SLC25A21: variants seen among roughly 807,000 people sequenced by gnomAD.
SLC25A21 encodes mitochondrial 2-oxodicarboxylate carrier.
Under a neutral mutation model 43.8 loss-of-function variants are expected in SLC25A21, and 47 were observed. The ratio of observed to expected loss-of-function variants is 1.07; its 90% CI spans 0.85 to 1.37. The LOEUF is 1.37. Ranked by LOEUF, SLC25A21 falls within the 40% of genes most tolerant of loss-of-function variation. The pLI is 0.00. For synonymous variants in SLC25A21, 131 were observed against 121.3 expected (o/e 1.08, Z -0.52); for missense variants, 352 against 350.2 (o/e 1.00, Z -0.04).
intron 4 of SLC25A21, among the ~76,000 whole-genome samples, chr14:36,730,906 C>T (rs1258642122): frequency 1.3e-5 from 2 of 151,920 alleles, no homozygotes; most frequent in Non-Finnish European, 2.9e-5. Context: ...GGGACCACCA[C>T]TTTTCTGATG....
chr14:37,015,567 T>A lies in SLC25A21; in HGVS notation c.71-140563A>T, dbSNP rs540400668. Among the ~76,000 whole-genome samples, 357 of 151,872 alleles carry A rather than the reference T, an allele frequency of 2.4e-3. 2 individuals carry two copies. The highest frequency in any genetic ancestry group is 6.5e-4 in the Non-Finnish European group (44 of 67,954). ...TTTGGGTATATACCCAGTAATGGGATGGCTGGGTCAAATGGTATTTCTAGT... is the reference window on the plus strand; with the variant it reads ...TTTGGGTATATACCCAGTAATGGGAAGGCTGGGTCAAATGGTATTTCTAGT... On this transcript the variant is annotated intron_variant, in intron 1 of 9. Coordinates refer to ENST00000331299, the MANE Select transcript of SLC25A21 (RefSeq NM_030631.4).
chr14:36,932,454 GTTCT>G (rs937594355), intron 1 of SLC25A21, among the ~76,000 whole-genome samples: 39 of 151,928 alleles, frequency 2.6e-4, no homozygotes, highest in African/African-American at 8.9e-4. Flanking sequence ...ATGTTTTTCT[GTTCT>G]TTATCATGTT....
At chr14:36,753,391 T>C (rs895916434) in intron 3 of SLC25A21, among the ~76,000 whole-genome samples, 2 of 151,890 alleles carry the variant, frequency 1.3e-5, no homozygotes, top group African/African-American at 2.4e-5. Context: ...CTAGGAAGCC[T>C]TGTGTTTAGA....
chr14:37,074,061 C>A (rs1028670439), intron 1 of SLC25A21, among the ~76,000 whole-genome samples: 6 of 152,246 alleles, frequency 3.9e-5, no homozygotes, highest in Admixed American at 2.0e-4. Flanking sequence ...ATGTTCGTCT[C>A]TGTTCAAATG....
chr14:36,781,975 C>T (rs1887079643), intron 3 of SLC25A21, among the ~76,000 whole-genome samples: 1 of 152,102 alleles, frequency 6.6e-6, no homozygotes, highest in South Asian at 2.1e-4. Context: ...CTTCATTTCT[C>T]CTTCGTTTCT....
At chr14:36,779,609 CATATATATATATATATAT>C (rs35392668) in intron 3 of SLC25A21, among the ~76,000 whole-genome samples, 4 of 122,484 alleles carry the variant, frequency 3.3e-5, no homozygotes, top group East Asian at 2.2e-4. Context: ...TATGTGTATA[CATATATATATATATATAT>C]ATATATATAT....
intron 1 of SLC25A21, among the ~76,000 whole-genome samples, chr14:37,064,364 T>C (rs923859152): frequency 1.3e-5 from 2 of 152,126 alleles, no homozygotes; most frequent in African/African-American, 4.8e-5. Flanking sequence ...TAGCCTATCG[T>C]GGGACTTCTC....
rs1192806350 is a variant in SLC25A21, at chr14:36,698,411, G to A, written c.603+12907C>T. ...GTGTCTTGGGGTTGCTCTTCTTGAG[G>A]AGTATTTTTGTGGTGTTCTCTGTAT... is the stretch of plus-strand genomic sequence containing the variant. On this transcript the variant is annotated intron_variant, in intron 7 of 9. Transcript: ENST00000331299. Among the ~76,000 whole-genome samples the A allele has an allele frequency of 2.0e-5, 3 of 152,126 alleles. No homozygotes were observed. In the East Asian group the frequency reaches 5.8e-4, roughly 29 times the overall value.
At chr14:36,736,112 T>A (rs1885029621) in intron 3 of SLC25A21, among the ~76,000 whole-genome samples, 1 of 151,790 alleles carries the variant, frequency 6.6e-6, no homozygotes, top group Admixed American at 6.6e-5. Context: ...ATTTTTTATA[T>A]TTTTAGTAGA....
intron 1 of SLC25A21, among the ~76,000 whole-genome samples, chr14:37,108,170 T>G (rs2138873468): frequency 6.6e-6 from 1 of 152,312 alleles, no homozygotes; most frequent in African/African-American, 2.4e-5. Flanking sequence ...AAATGTACGG[T>G]GCAGTATTTT....
intron 1 of SLC25A21, among the ~76,000 whole-genome samples, chr14:37,077,096 T>C (rs1254798418): frequency 3.9e-5 from 6 of 152,214 alleles, no homozygotes; most frequent in Non-Finnish European, 7.3e-5. Flanking sequence ...AACTCAGACA[T>C]TGTAAGTAAT....
intron 1 of SLC25A21, among the ~76,000 whole-genome samples, chr14:37,112,724 T>C (rs1312100571): frequency 6.6e-6 from 1 of 152,154 alleles, no homozygotes; most frequent in Non-Finnish European, 1.5e-5. Context: ...CAATTGAGGC[T>C]AGGACAAGAA....
At chr14:36,837,276 G>A (rs896228617) in intron 2 of SLC25A21, among the ~76,000 whole-genome samples, 18 of 152,014 alleles carry the variant, frequency 1.2e-4, no homozygotes, top group Non-Finnish European at 2.1e-4. Context: ...AGGGCCAAGG[G>A]GGTGTCCAGA....
intron 1 of SLC25A21, among the ~76,000 whole-genome samples, chr14:36,975,146 G>A (rs1320218897): frequency 6.6e-6 from 1 of 152,174 alleles, no homozygotes; most frequent in Non-Finnish European, 1.5e-5. Context: ...AGACTACGCA[G>A]AAGAAGGAAA....
intron 1 of SLC25A21, among the ~76,000 whole-genome samples, chr14:36,979,765 C>T (rs1959976904): frequency 6.6e-6 from 1 of 152,112 alleles, no homozygotes; most frequent in African/African-American, 2.4e-5. Context: ...GAAAACCCAC[C>T]TTTAAAAACT....
chr14:36,683,745 T>C, intron 9 of SLC25A21, 83 bp downstream of exon 9: 2 of 969,320 alleles, frequency 2.1e-6, no homozygotes, highest in Non-Finnish European at 3.1e-6. Context: ...GTAAATATTT[T>C]GTTGCTGATG....
chr14:37,157,434 G>T (rs1018632988), intron 1 of SLC25A21, among the ~76,000 whole-genome samples: 1 of 152,104 alleles, frequency 6.6e-6, no homozygotes, highest in East Asian at 1.9e-4. Flanking sequence ...TCAATAGTAA[G>T]AGGAACTTTT....
intron 1 of SLC25A21, among the ~76,000 whole-genome samples, chr14:37,003,058 A>G (rs1404887822): frequency 6.6e-6 from 1 of 151,940 alleles, no homozygotes; most frequent in African/African-American, 2.4e-5. Flanking sequence ...ATGTTCCGAG[A>G]CCCCCCAGCG....
chr14:37,162,804 G>T (rs1450303292), intron 1 of SLC25A21, among the ~76,000 whole-genome samples: 6 of 152,074 alleles, frequency 3.9e-5, no homozygotes, highest in East Asian at 1.9e-4. Flanking sequence ...TATACCCAAA[G>T]GACTATAAAT....
Sources: allele counts gnomAD v4.1 joint callset (sites outside exome capture counted in the v4.1 genomes callset), GRCh38; gene constraint gnomAD v4.1.1; transcripts MANE v1.5; gene names NCBI Gene and HGNC (gene_info 2026-07-23, HGNC 2026-07-21).